LSAMP: variants seen among roughly 807,000 people sequenced by gnomAD.
LSAMP encodes the protein limbic system associated membrane protein, also known as limbic system-associated membrane protein.
A neutral mutation model predicts 38.6 loss-of-function variants in LSAMP; 7 were observed. The ratio of observed to expected loss-of-function variants is 0.18; its 90% CI spans 0.10 to 0.34. The LOEUF (loss-of-function observed/expected upper bound fraction) is 0.34, where lower values mean the gene tolerates loss of function less well. Among genes scored for constraint, LSAMP ranks in the 10% least tolerant of loss-of-function variants. The pLI, the probability that LSAMP is intolerant of heterozygous loss-of-function variation, is 1.00. For missense variants in LSAMP, 313 were observed against 420.0 expected, an observed-to-expected ratio of 0.75 and a Z score of 2.23; for synonymous variants, 154 against 166.8, an observed-to-expected ratio of 0.92 and a Z score of 0.59.
At chr3:116,147,921 A>G (rs1709525405) in intron 1 of LSAMP, among the ~76,000 whole-genome samples, 1 of 151,768 alleles carries the variant, frequency 6.6e-6, no homozygotes, top group South Asian at 2.1e-4. Context: ...GTCTGGGTCT[A>G]ACTCTTCCTT....
intron 6 of LSAMP, among the ~76,000 whole-genome samples, chr3:115,829,162 C>G (rs1157090822): frequency 6.6e-6 from 1 of 151,940 alleles, no homozygotes; most frequent in Non-Finnish European, 1.5e-5. Context: ...GGGGAGAGAA[C>G]AACAGTTTAG....
intron 3 of LSAMP, among the ~76,000 whole-genome samples, chr3:115,936,810 A>G (rs1390349330): frequency 3.9e-5 from 6 of 152,182 alleles, no homozygotes; most frequent in African/African-American, 1.4e-4. Context: ...CAAAGAGCAG[A>G]GTAGCCACAC....
chr3:116,400,288 A>G (rs2048821314), intron 1 of LSAMP, among the ~76,000 whole-genome samples: 1 of 152,034 alleles, frequency 6.6e-6, no homozygotes, highest in African/African-American at 2.4e-5. Flanking sequence ...CCAAAAAGTC[A>G]TGTGCCTTCC....
intron 1 of LSAMP, among the ~76,000 whole-genome samples, chr3:116,245,308 T>C (rs372371233): frequency 2.6e-4 from 39 of 152,300 alleles, no homozygotes; most frequent in African/African-American, 9.4e-4. Flanking sequence ...AACAGTGAGA[T>C]AATAAATTTT....
chr3:116,429,980 G>A (rs1430786059), intron 1 of LSAMP, among the ~76,000 whole-genome samples: 2 of 152,172 alleles, frequency 1.3e-5, no homozygotes, highest in Non-Finnish European at 2.9e-5. Context: ...AAACTGTAGT[G>A]TAGACTTCAG....
chr3:116,333,533 C>CAA (rs35890184), intron 1 of LSAMP, among the ~76,000 whole-genome samples: 30 of 85,572 alleles, frequency 3.5e-4, no homozygotes, highest in African/African-American at 8.3e-4. Flanking sequence ...GGTTCCATCT[C>CAA]AAAAAAAAAA....
At chr3:116,279,837 T>C (rs922680479) in intron 1 of LSAMP, among the ~76,000 whole-genome samples, 11 of 152,206 alleles carry the variant, frequency 7.2e-5, no homozygotes, top group Admixed American at 3.3e-4. Flanking sequence ...ATAAATGATT[T>C]TCATATGTCA....
At chr3:115,876,265 A>G (rs1044536867) in intron 3 of LSAMP, among the ~76,000 whole-genome samples, 16 of 146,504 alleles carry the variant, frequency 1.1e-4, no homozygotes, top group Non-Finnish European at 4.5e-5. Flanking sequence ...TTAAAAAAAA[A>G]AAAAGGAAAA....
chr3:116,185,990 C>T (rs1710607285), intron 1 of LSAMP, among the ~76,000 whole-genome samples: 1 of 150,290 alleles, frequency 6.7e-6, no homozygotes, highest in African/African-American at 2.5e-5. Flanking sequence ...ATGTCTACCC[C>T]TTTAAAAAAA....
chr3:115,876,117 G>C (rs1265168026), intron 3 of LSAMP, among the ~76,000 whole-genome samples: 1 of 151,504 alleles, frequency 6.6e-6, no homozygotes, highest in Admixed American at 6.6e-5. Context: ...TCAGTCATAG[G>C]GTTATCTTCA....
At chr3:115,881,037 A>AAAATAAATAACTAAAT (rs1936307964) in intron 3 of LSAMP, among the ~76,000 whole-genome samples, 2 of 142,894 alleles carry the variant, frequency 1.4e-5, no homozygotes, top group South Asian at 4.7e-4. Context: ...CTCTGTCTCA[A>AAAATAAATAACTAAAT]AAATAAATAA....
At chr3:116,320,579 G>A (rs946686897) in intron 1 of LSAMP, among the ~76,000 whole-genome samples, 1 of 152,008 alleles carries the variant, frequency 6.6e-6, no homozygotes, top group Non-Finnish European at 1.5e-5. Flanking sequence ...CAGAAATCCT[G>A]GTCAGAATGA....
intron 2 of LSAMP, among the ~76,000 whole-genome samples, chr3:116,081,452 CAAA>C: frequency 7.8e-6 from 1 of 127,576 alleles, no homozygotes; most frequent in African/African-American, 2.9e-5. Context: ...GACTCTGTCT[CAAA>C]AAAAAAAAAG....
At chr3:116,053,954 A>G (rs1941442351) in intron 2 of LSAMP, among the ~76,000 whole-genome samples, 1 of 152,186 alleles carries the variant, frequency 6.6e-6, no homozygotes, top group Non-Finnish European at 1.5e-5. Context: ...TATTTCAGTT[A>G]TAGTCAATTA....
At chr3:116,163,559 A>G (rs1313172259) in intron 1 of LSAMP, among the ~76,000 whole-genome samples, 1 of 152,016 alleles carries the variant, frequency 6.6e-6, no homozygotes, top group Non-Finnish European at 1.5e-5. Flanking sequence ...TCTTTATAGC[A>G]GCATGATTTA....
At chr3:116,002,522 T>C (rs1559915547) in intron 3 of LSAMP, among the ~76,000 whole-genome samples, 2 of 151,976 alleles carry the variant, frequency 1.3e-5, no homozygotes, top group Non-Finnish European at 2.9e-5. Flanking sequence ...CTCTGTACAT[T>C]GCTGGAGGAG....
chr3:116,413,437 A>G (rs1291887227), intron 1 of LSAMP, among the ~76,000 whole-genome samples: 1 of 152,026 alleles, frequency 6.6e-6, no homozygotes, highest in Non-Finnish European at 1.5e-5. Flanking sequence ...GATATTCTAT[A>G]TAATCCTTAA....
At chr3:115,820,536 A>T (rs984372997) in intron 6 of LSAMP, among the ~76,000 whole-genome samples, 16 of 152,182 alleles carry the variant, frequency 1.1e-4, no homozygotes, top group African/African-American at 3.9e-4. Flanking sequence ...CGAGACATTT[A>T]TTTAAGCTAA....
chr3:115,928,043 T>G (rs181667787), intron 3 of LSAMP, among the ~76,000 whole-genome samples: 41 of 152,342 alleles, frequency 2.7e-4, no homozygotes, highest in African/African-American at 8.4e-4. Context: ...TTCGTTTTGT[T>G]TAAAATTGCA....
Sources: gnomAD v4.1 joint callset for allele counts (sites outside exome capture counted in the v4.1 genomes callset) on GRCh38, gnomAD v4.1.1 for gene constraint, MANE v1.5 for transcripts, NCBI Gene and HGNC (gene_info 2026-07-23, HGNC 2026-07-21) for gene names.